ARMC8: variants seen among roughly 807,000 people sequenced by gnomAD.
The protein encoded by ARMC8 is armadillo repeat containing 8.
A neutral mutation model predicts 99.3 loss-of-function variants in ARMC8; 20 were observed. That is an observed-to-expected ratio of 0.20 (90% CI 0.14 to 0.29). The LOEUF is 0.29. Ranked by LOEUF, ARMC8 falls within the 10% of genes least tolerant of loss-of-function variation. The pLI is 1.00. For missense variants in ARMC8, 569 were observed against 809.5 expected (o/e 0.70, Z 3.60); for synonymous variants, 263 against 278.3 (o/e 0.95, Z 0.55).
At position 138,223,395 on chromosome 3, in the gene ARMC8, G is replaced by T. The variant is rs1198587625; in HGVS notation, c.201G>T (p.Leu67Phe). 2 of 1,613,444 alleles carry T rather than the reference G, an allele frequency of 1.2e-6. No individual in the cohort carries two copies. The highest frequency in any genetic ancestry group is 1.7e-6 in the Non-Finnish European group (2 of 1,179,862). ...TTAAGTTCCTTCTTTTTAGATTGTTGTACTTGCTTCAGCAAGAAACCTCAA... is the reference window on the plus strand; with the variant it reads ...TTAAGTTCCTTCTTTTTAGATTGTTTTACTTGCTTCAGCAAGAAACCTCAA... The part of the protein sequence containing the change: ...LIVLGAVPRL[L>F]YLLQQETSST... The change falls in exon 4 of 22, where the codon TTG (leucine) becomes TTT (phenylalanine). Residue 67 changes from leucine (L) to phenylalanine (F), a missense_variant. Coordinates refer to ENST00000469044, the MANE Select transcript of ARMC8 (RefSeq NM_001363941.2).
chr3:138,255,746 G>A (rs1559997359), intron 12 of ARMC8, among the ~76,000 whole-genome samples: 1 of 152,166 alleles, frequency 6.6e-6, no homozygotes, highest in South Asian at 2.1e-4. Context: ...TTGGGAGGCC[G>A]AGGTGAATAG....
intron 6 of ARMC8, among the ~76,000 whole-genome samples, chr3:138,232,007 G>C (rs893752316): frequency 2.8e-5 from 3 of 108,246 alleles, no homozygotes; most frequent in African/African-American, 7.3e-5. Context: ...GTCTCGCTCT[G>C]TCTTCCAGGC....
At chr3:138,290,719 A>G in intron 21 of ARMC8, 80 bp downstream of exon 21, 1 of 886,640 alleles carries the variant, frequency 1.1e-6, no homozygotes, top group Non-Finnish European at 1.8e-6. Flanking sequence ...TTGGTAATTA[A>G]TGGCCATACT....
chr3:138,233,418 T>C (rs2046162532), intron 6 of ARMC8, among the ~76,000 whole-genome samples: 1 of 152,182 alleles, frequency 6.6e-6, no homozygotes. Context: ...CAAATAATGT[T>C]CAACAAAACA....
intron 5 of ARMC8, 36 bp from the exon 6 acceptor site, chr3:138,228,882 G>T (rs1427445110): frequency 8.0e-7 from 1 of 1,252,076 alleles, no homozygotes; most frequent in Admixed American, 1.7e-5. Context: ...TACTCATGGT[G>T]CCTGAGTTTC....
chr3:138,242,843 T>A (rs1238206875), intron 11 of ARMC8, among the ~76,000 whole-genome samples: 1 of 152,220 alleles, frequency 6.6e-6, no homozygotes, highest in Non-Finnish European at 1.5e-5. Flanking sequence ...AGCAAACTAT[T>A]AAGGGTATAT....
intron 2 of ARMC8, among the ~76,000 whole-genome samples, chr3:138,221,250 C>T (rs894656178): frequency 6.6e-6 from 1 of 152,012 alleles, no homozygotes; most frequent in Admixed American, 6.5e-5. Flanking sequence ...TAACTGGCTG[C>T]TTAAGCAAAA....
chr3:138,280,654 A>G (rs1370937555), intron 18 of ARMC8, among the ~76,000 whole-genome samples: 1 of 151,568 alleles, frequency 6.6e-6, no homozygotes, highest in Admixed American at 6.6e-5. Context: ...CCACCATGCC[A>G]GGCTAATTTT....
At chr3:138,285,518 C>G (rs1254880884) in intron 19 of ARMC8, among the ~76,000 whole-genome samples, 1 of 152,224 alleles carries the variant, frequency 6.6e-6, no homozygotes, top group East Asian at 1.9e-4. Flanking sequence ...ACTGGCTTCT[C>G]TGCCTGGAAC....
At chr3:138,223,365 G>C (rs769564958) in intron 3 of ARMC8, 24 bp from the exon 4 acceptor site, 1 of 1,609,628 alleles carries the variant, frequency 6.2e-7, no homozygotes, top group African/African-American at 1.3e-5. Context: ...TAGTCTCTTC[G>C]TTTATTAAGT....
chr3:138,235,031 CA>C lies in ARMC8; in HGVS notation c.529-2del. 1 of 1,610,680 alleles carries C rather than the reference CA, an allele frequency of 6.2e-7. No homozygotes were observed. The highest frequency in any genetic ancestry group is 8.5e-7 in the Non-Finnish European group (1 of 1,177,762). ...TATATTGTTGTATTCTTTTTTCTTA[CA>C]GGGGCCAGATCATCAAACAATTTTA... On this transcript the variant is annotated splice_acceptor_variant, in intron 6 of 21. Transcript: ENST00000469044. LOFTEE classifies it high-confidence loss of function.
At chr3:138,287,551 A>G (rs1047057274) in intron 19 of ARMC8, 19 of 450,756 alleles carry the variant, frequency 4.2e-5, no homozygotes, top group Non-Finnish European at 4.0e-5. Context: ...GTTATAGTAT[A>G]TACAAGCTCA....
rs2046383030 is a variant in ARMC8 at position 138,237,298 on chromosome 3, T to C, written c.610-11T>C. 1 of 1,610,108 alleles carries C rather than the reference T, an allele frequency of 6.2e-7. No homozygotes were observed. The highest frequency in any genetic ancestry group is 1.1e-5 in the South Asian group (1 of 89,878). On this transcript the variant is annotated splice_polypyrimidine_tract_variant and intron_variant, in intron 7 of 21. Coordinates refer to ENST00000469044, the MANE Select transcript of ARMC8 (RefSeq NM_001363941.2). ...TAAACACATTTTTTGTTTGTTCATT[T>C]ATTTTTACAGGTTCGAATGCAAGCA...
chr3:138,284,139 T>A (rs1370677056), intron 18 of ARMC8, among the ~76,000 whole-genome samples: 1 of 152,352 alleles, frequency 6.6e-6, no homozygotes, highest in East Asian at 1.9e-4. Flanking sequence ...CATTTTCTCT[T>A]TGATTTGATA....
At chr3:138,273,545 A>T (rs1466863046) in intron 17 of ARMC8, among the ~76,000 whole-genome samples, 1 of 152,154 alleles carries the variant, frequency 6.6e-6, no homozygotes, top group Non-Finnish European at 1.5e-5. Context: ...TACGGGATTG[A>T]CCTCTGAAGA....
chr3:138,210,943 A>T (rs1295922195), intron 2 of ARMC8, among the ~76,000 whole-genome samples: 1 of 152,162 alleles, frequency 6.6e-6, no homozygotes, highest in Non-Finnish European at 1.5e-5. Context: ...CCACCGAGAT[A>T]CTTGACGCTT....
intron 6 of ARMC8, among the ~76,000 whole-genome samples, chr3:138,229,638 T>A (rs75609080): frequency 0.015 from 2,279 of 152,262 alleles, 62 homozygotes; most frequent in African/African-American, 0.053. Flanking sequence ...TTAAGTGATC[T>A]CATATAAGGA....
intron 3 of ARMC8, 150 bp downstream of exon 3, chr3:138,222,147 A>G (rs1246107380): frequency 1.5e-5 from 9 of 616,592 alleles, no homozygotes; most frequent in South Asian, 2.3e-5. Flanking sequence ...TATTTAAACT[A>G]TCTTTAAGGA....
intron 13 of ARMC8, 24 bp from the exon 14 acceptor site, chr3:138,264,107 G>C (rs747521703): frequency 6.3e-7 from 1 of 1,599,024 alleles, no homozygotes. Context: ...TTCTTGTGAA[G>C]CTAATTTTGA....
Sources: allele counts gnomAD v4.1 joint callset (sites outside exome capture counted in the v4.1 genomes callset), GRCh38; gene constraint gnomAD v4.1.1; transcripts MANE v1.5; gene names NCBI Gene and HGNC (gene_info 2026-07-23, HGNC 2026-07-21).